DTNB: variants seen among roughly 807,000 people sequenced by gnomAD.
DTNB encodes dystrobrevin beta.
Under a neutral mutation model 90.7 loss-of-function variants are expected in DTNB, and 63 were observed. The observed-to-expected ratio is 0.69, with a 90% CI of 0.57 to 0.86. The LOEUF is 0.86. DTNB is among the 40% of genes least tolerant of loss of function. The pLI, the probability that DTNB is intolerant of heterozygous loss-of-function variation, is 0.00. For synonymous variants in DTNB, 277 were observed against 286.7 expected (o/e 0.97, Z 0.34); for missense variants, 744 against 807.1 (o/e 0.92, Z 0.95).
intron 9 of DTNB, among the ~76,000 whole-genome samples, chr2:25,498,319 A>G (rs2069499044): frequency 6.6e-6 from 1 of 152,198 alleles, no homozygotes; most frequent in Non-Finnish European, 1.5e-5. Flanking sequence ...AGACAAACCA[A>G]CTAGTGTGAC....
chr2:25,418,722 T>A (rs2048579562), intron 16 of DTNB, among the ~76,000 whole-genome samples: 1 of 151,944 alleles, frequency 6.6e-6, no homozygotes, highest in South Asian at 2.1e-4. Flanking sequence ...AGGCAAATTT[T>A]AAAAATTAAA....
At chr2:25,454,945 A>ATGTTAGCAGATTCCTT in intron 11 of DTNB, among the ~76,000 whole-genome samples, 1 of 152,312 alleles carries the variant, frequency 6.6e-6, no homozygotes, top group Middle Eastern at 3.4e-3. Context: ...CTGCTAACAG[A>ATGTTAGCAGATTCCTT]TAAAGGGTGG....
At chr2:25,497,409 C>T (rs1471043616) in intron 9 of DTNB, 1 of 152,222 alleles carries the variant, frequency 6.6e-6, no homozygotes. Context: ...TCTCCAAGGG[C>T]CTCTTCTAAT....
chr2:25,464,496 C>T (rs2061473543), intron 10 of DTNB, among the ~76,000 whole-genome samples: 1 of 152,186 alleles, frequency 6.6e-6, no homozygotes, highest in South Asian at 2.1e-4. Flanking sequence ...ATCCATGAGT[C>T]CACACTGATA....
chr2:25,402,212 C>T (rs911523604), intron 16 of DTNB, among the ~76,000 whole-genome samples: 8 of 152,208 alleles, frequency 5.3e-5, no homozygotes, highest in Admixed American at 5.2e-4. Flanking sequence ...TGATGCTGCA[C>T]TGTCTGTCCT....
chr2:25,461,967 G>C (rs530903454), intron 10 of DTNB, among the ~76,000 whole-genome samples: 1 of 152,300 alleles, frequency 6.6e-6, no homozygotes, highest in East Asian at 1.9e-4. Context: ...ACATTCCCAA[G>C]GCATCCCCTA....
intron 3 of DTNB, among the ~76,000 whole-genome samples, chr2:25,635,406 G>A (rs890884014): frequency 5.9e-5 from 9 of 152,040 alleles, no homozygotes; most frequent in African/African-American, 1.4e-4. Context: ...CAGCCTGAGC[G>A]ATAGAGCGAC....
chr2:25,584,070 G>A (rs1156725575), intron 6 of DTNB, among the ~76,000 whole-genome samples: 4 of 152,006 alleles, frequency 2.6e-5, no homozygotes, highest in Admixed American at 6.6e-5. Context: ...ATCTTTCAAG[G>A]GCTAAAATAG....
intron 5 of DTNB, among the ~76,000 whole-genome samples, chr2:25,603,136 T>A (rs1057181473): frequency 4.6e-5 from 7 of 152,248 alleles, no homozygotes; most frequent in African/African-American, 1.7e-4. Flanking sequence ...ATGAATCTTT[T>A]GCTCCTTTTA....
At chr2:25,583,187 C>T (rs2148231808) in intron 6 of DTNB, among the ~76,000 whole-genome samples, 1 of 144,878 alleles carries the variant, frequency 6.9e-6, no homozygotes, top group South Asian at 2.2e-4. Context: ...GCAAAGGTTG[C>T]AGTGAGCCAA....
chr2:25,659,126 G>GA (rs2082644401), intron 1 of DTNB, among the ~76,000 whole-genome samples: 2 of 151,888 alleles, frequency 1.3e-5, no homozygotes, highest in African/African-American at 4.8e-5. Context: ...ATGAAAAGCA[G>GA]AATGTGATAA....
chr2:25,498,939 G>A (rs1212866121), intron 9 of DTNB, among the ~76,000 whole-genome samples: 1 of 151,042 alleles, frequency 6.6e-6, no homozygotes, highest in East Asian at 2.0e-4. Context: ...ATCAAGGTCA[G>A]GCATGGTGGC....
intron 10 of DTNB, among the ~76,000 whole-genome samples, chr2:25,463,685 C>A (rs1574797239): frequency 6.6e-6 from 1 of 152,282 alleles, no homozygotes; most frequent in Non-Finnish European, 1.5e-5. Flanking sequence ...GTGCTGCAGG[C>A]ACGGAACGAA....
intron 8 of DTNB, among the ~76,000 whole-genome samples, chr2:25,561,451 C>A (rs2058249351): frequency 6.6e-6 from 1 of 152,152 alleles, no homozygotes; most frequent in African/African-American, 2.4e-5. Flanking sequence ...AAGGCTTTCC[C>A]TAGCCATCCA....
intron 15 of DTNB, chr2:25,426,478 G>A (rs137864183): frequency 6.6e-6 from 1 of 152,344 alleles, no homozygotes; most frequent in East Asian, 1.9e-4. Flanking sequence ...TGACTGTTGT[G>A]AATAGTCAAT....
intron 4 of DTNB, among the ~76,000 whole-genome samples, chr2:25,621,512 T>C (rs1025925066): frequency 1.3e-5 from 2 of 150,758 alleles, no homozygotes; most frequent in Non-Finnish European, 3.0e-5. Flanking sequence ...AGTGGTGTGA[T>C]CTCAGCTCAC....
chr2:25,519,119 A>G (rs185070857), intron 9 of DTNB, among the ~76,000 whole-genome samples: 3 of 152,246 alleles, frequency 2.0e-5, no homozygotes, highest in Non-Finnish European at 4.4e-5. Context: ...ATCCAGTGCT[A>G]TGGGAGGCTG....
chr2:25,597,137 T>C (rs1024717395), intron 5 of DTNB, among the ~76,000 whole-genome samples: 1 of 152,184 alleles, frequency 6.6e-6, no homozygotes, highest in Non-Finnish European at 1.5e-5. Flanking sequence ...TCATCCAGCC[T>C]GGGCAACATA....
At chr2:25,660,049 T>C (rs144107750) in intron 1 of DTNB, among the ~76,000 whole-genome samples, 339 of 152,254 alleles carry the variant, frequency 2.2e-3, no homozygotes, top group African/African-American at 7.7e-3. Flanking sequence ...GGCACAAGGA[T>C]AGCAATAGGA....
Sources: gnomAD v4.1 joint callset for allele counts (sites outside exome capture counted in the v4.1 genomes callset) on GRCh38, gnomAD v4.1.1 for gene constraint, MANE v1.5 for transcripts, NCBI Gene and HGNC (gene_info 2026-07-23, HGNC 2026-07-21) for gene names.